SSTR3: variants seen among roughly 807,000 people sequenced by gnomAD.
The protein encoded by SSTR3 is somatostatin receptor type 3.
For missense variants in SSTR3, 504 were observed against 604.7 expected, an observed-to-expected ratio of 0.83 and a Z score of 1.75; for synonymous variants, 281 against 269.2, an observed-to-expected ratio of 1.04 and a Z score of -0.43.
the SSTR3 span, among the ~76,000 whole-genome samples, chr22:37,218,002 C>T: frequency 2.0e-5 from 3 of 152,146 alleles, no homozygotes; most frequent in African/African-American, 7.2e-5. Flanking sequence ...CTGAGCCCAA[C>T]CAGCTCTCTC....
intron 1 of SSTR3, among the ~76,000 whole-genome samples, chr22:37,208,184 GGCCCTGT>G (rs1925969645): frequency 6.6e-6 from 1 of 152,136 alleles, no homozygotes; most frequent in South Asian, 2.1e-4. Context: ...CAGCTGGCAG[GGCCCTGT>G]GAAGTGGGTT....
At chr22:37,211,655 C>T (rs1333864235) in intron 1 of SSTR3, among the ~76,000 whole-genome samples, 170 bp downstream of exon 1, 1 of 152,148 alleles carries the variant, frequency 6.6e-6, no homozygotes, top group Non-Finnish European at 1.5e-5. Context: ...GAGACTAACG[C>T]CCCTGCCCCT....
Position 37,212,182 on chromosome 22 carries a change from G to A in SSTR3, c.-394C>T, listed in dbSNP as rs907826787. ...ACACAGAAGCCAATAGAAATAGAGGGGAAAGGGGGTCGGGAGGAGGTGGAG... is the reference window on the plus strand; with the variant it reads ...ACACAGAAGCCAATAGAAATAGAGGAGAAAGGGGGTCGGGAGGAGGTGGAG... On this transcript the variant is annotated 5_prime_UTR_variant, in exon 1 of 2. Coordinates refer to ENST00000610913, the MANE Select transcript of SSTR3 (RefSeq NM_001051.5). 15 of 984,060 alleles carry A rather than the reference G, an allele frequency of 1.5e-5. No individual in the cohort carries two copies. Among genetic ancestry groups the A allele is most frequent in the East Asian group, 1.1e-4 (1 of 8,788 alleles). The allele number at this position is 984,060 out of a possible 1,614,324, so 61.0% of individuals were successfully genotyped here. A position where few individuals can be genotyped will look rare whatever the true frequency, so the allele number is the denominator to read the frequency against.
chr22:37,214,287 C>G (rs1333417389), upstream of SSTR3, among the ~76,000 whole-genome samples: 1 of 152,194 alleles, frequency 6.6e-6, no homozygotes, highest in Non-Finnish European at 1.5e-5. Flanking sequence ...GGGGCTCTGA[C>G]CTCCCCTTTT....
Position 37,207,315 on chromosome 22 carries a change from G to C in SSTR3, c.489C>G (p.Val163=). The stretch of plus-strand genomic sequence containing the variant: ...CTGAGGCCACCCACACAGCCGCGCT[G>C]ACCGTGCGGGCCACCGGAGCTGTGC... ...RWRTAPVART[V]SAAVWVASAV... is the part of the protein sequence containing the mutation. The change falls in exon 2 of 2, where the codon GTC becomes GTG. Residue 163 remains valine (V), a synonymous_variant. Coordinates refer to ENST00000610913, the MANE Select transcript of SSTR3 (RefSeq NM_001051.5). 1 of 1,595,522 alleles carries C rather than the reference G, an allele frequency of 6.3e-7. No individual in the cohort carries two copies. The highest frequency in any genetic ancestry group is 8.5e-7 in the Non-Finnish European group (1 of 1,170,248).
upstream of SSTR3, chr22:37,215,648 C>T (rs899767206): frequency 2.9e-5 from 6 of 208,790 alleles, no homozygotes; most frequent in South Asian, 4.6e-4. Context: ...TCCAGCTGTC[C>T]AGATAGTGGT....
chr22:37,215,130 C>T (rs1926380974), upstream of SSTR3, among the ~76,000 whole-genome samples: 1 of 152,210 alleles, frequency 6.6e-6, no homozygotes, highest in Non-Finnish European at 1.5e-5. Context: ...GCTTTATGCC[C>T]CTTATGCCTC....
At position 37,211,843 on chromosome 22, in the gene SSTR3, C is replaced by A; in HGVS notation, c.-55G>T. The A allele has an allele frequency of 1.0e-6, 1 of 985,772 alleles. No individual in the cohort carries two copies. The highest frequency in any genetic ancestry group is 1.2e-6 in the Non-Finnish European group (1 of 830,186). 61.1% of individuals were successfully genotyped at this position (985,772 alleles called of 1,614,324 possible). A position where few individuals can be genotyped will look rare whatever the true frequency, so the allele number is the denominator to read the frequency against. ...TCCTTACCTGCCCATGGGGTGAGGG[C>A]TTCCCTCCTTGCCGCCAGGCTGGTT... On this transcript the variant is annotated 5_prime_UTR_variant, in exon 1 of 2. Coordinates refer to ENST00000610913, the MANE Select transcript of SSTR3 (RefSeq NM_001051.5).
At position 37,207,026 on chromosome 22, in the gene SSTR3, C is replaced by A. The variant is rs1925831490; in HGVS notation, c.778G>T (p.Val260Leu). The A allele has an allele frequency of 6.2e-7, 1 of 1,612,850 alleles. No homozygotes were observed. Among genetic ancestry groups the A allele is most frequent in the African/African-American group, 1.3e-5 (1 of 74,920 alleles). The change falls in exon 2 of 2, where the codon GTG (valine) becomes TTG (leucine). Residue 260 changes from valine to leucine, a missense_variant. By Grantham distance (32) the Val-to-Leu change is conservative (BLOSUM62 1). Transcript: ENST00000610913. ...RSERRVTRMV[V>L]AVVALFVLCW... ...AGCACGAAGAGCGCCACCACGGCCA[C>A]CACCATGCGCGTGACCCTGCGTTCG...
intron 1 of SSTR3, 77 bp downstream of exon 1, chr22:37,211,748 C>T (rs1305847204): frequency 1.0e-6 from 1 of 985,386 alleles, no homozygotes; most frequent in African/African-American, 1.7e-5. Flanking sequence ...CCCCAGCCTC[C>T]CAAGTTCATC....
chr22:37,207,850 G>T lies in SSTR3; in HGVS notation c.-36-11C>A. 1 of 1,475,184 alleles carries T rather than the reference G, an allele frequency of 6.8e-7. No individual in the cohort carries two copies. Among genetic ancestry groups the T allele is most frequent in the South Asian group, 1.4e-5 (1 of 69,472 alleles). 91.4% of individuals were successfully genotyped at this position (1,475,184 alleles called of 1,614,324 possible). A position where few individuals can be genotyped will look rare whatever the true frequency, so the allele number is the denominator to read the frequency against. On this transcript the variant is annotated splice_polypyrimidine_tract_variant and intron_variant, in intron 1 of 1. Transcript: ENST00000610913. The stretch of plus-strand genomic sequence containing the variant: ...CAGTCAGCTATTTGCCTGGGGGAAG[G>T]AAAAACAGCTCGGTCACAGCAGAGA...
chr22:37,219,163 C>T, the SSTR3 span, among the ~76,000 whole-genome samples: 548 of 152,268 alleles, frequency 3.6e-3, 4 homozygotes, highest in African/African-American at 0.013. Context: ...TGCTTTTCAG[C>T]GAGGAGGTGG....
Position 37,207,131 on chromosome 22 carries a change from A to G in SSTR3, c.673T>C (p.Cys225Arg). ...ACCTTCACCACGATGAGCAGGTAGC[A>G]GAGGCAGATGACCAGCAGCGGCCCG... ...FFGPLLVICL[C>R]YLLIVVKVRS... The change falls in exon 2 of 2, where the codon TGC becomes CGC. Residue 225 changes from cysteine to arginine, a missense_variant. Coordinates refer to ENST00000610913, the MANE Select transcript of SSTR3 (RefSeq NM_001051.5). 1 of 1,612,612 alleles carries G rather than the reference A, an allele frequency of 6.2e-7. No homozygotes were observed. Among genetic ancestry groups the G allele is most frequent in the Non-Finnish European group, 8.5e-7 (1 of 1,179,696 alleles).
At chr22:37,213,400 A>T (rs1476291352), upstream of SSTR3, among the ~76,000 whole-genome samples, 2 of 152,238 alleles carry the variant, frequency 1.3e-5, no homozygotes, top group African/African-American at 2.4e-5. Flanking sequence ...ACTATGTGCC[A>T]GGCTGTACCT....
In SSTR3 at chr22:37,204,440, C is replaced by G. The variant is rs1925587843; in HGVS notation, c.*2107G>C. Reference sequence around the variant, plus strand: ...TTCCTCAAGAAACCCCAGACCAAGTCCCAGGGCCGGGCCTCCAGCCTCCAT... The same window carrying G: ...TTCCTCAAGAAACCCCAGACCAAGTGCCAGGGCCGGGCCTCCAGCCTCCAT... On this transcript the variant is annotated 3_prime_UTR_variant, in exon 2 of 2. Coordinates refer to ENST00000610913, the MANE Select transcript of SSTR3 (RefSeq NM_001051.5). The G allele has an allele frequency of 1.3e-5, 2 of 152,156 alleles. No individual in the cohort carries two copies. Among genetic ancestry groups the G allele is most frequent in the Non-Finnish European group, 2.9e-5 (2 of 68,092 alleles). 9.4% of individuals were successfully genotyped at this position (152,156 alleles called of 1,614,324 possible). A position where few individuals can be genotyped will look rare whatever the true frequency, so the allele number is the denominator to read the frequency against.
upstream of SSTR3, among the ~76,000 whole-genome samples, chr22:37,213,302 T>C (rs6000609): frequency 0.2 from 30,572 of 152,156 alleles, 3,158 homozygotes; most frequent in Non-Finnish European, 0.23. Flanking sequence ...CCCCTGCCTG[T>C]GCTGATTCCT....
chr22:37,217,617 C>T, the SSTR3 span, among the ~76,000 whole-genome samples: 1 of 152,088 alleles, frequency 6.6e-6, no homozygotes, highest in East Asian at 1.9e-4. Flanking sequence ...TTTTTCTCTT[C>T]CAGTCCCTCT....
chr22:37,212,960 C>T (rs1237860036), upstream of SSTR3, among the ~76,000 whole-genome samples: 1 of 152,170 alleles, frequency 6.6e-6, no homozygotes, highest in African/African-American at 2.4e-5. Flanking sequence ...AATCATTGTG[C>T]AGTGAGAAAA....
chr22:37,212,852 G>T (rs1926274643), upstream of SSTR3, among the ~76,000 whole-genome samples: 1 of 152,198 alleles, frequency 6.6e-6, no homozygotes, highest in Non-Finnish European at 1.5e-5. Flanking sequence ...CCGGGTGGGG[G>T]TCATTAGTCC....
Sources: gnomAD v4.1 joint callset for allele counts (sites outside exome capture counted in the v4.1 genomes callset) on GRCh38, gnomAD v4.1.1 for gene constraint, MANE v1.5 for transcripts, NCBI Gene and HGNC (gene_info 2026-07-23, HGNC 2026-07-21) for gene names.